CDH18: variants seen among roughly 807,000 people sequenced by gnomAD.
CDH18 encodes the protein cadherin-18.
Under a neutral mutation model 67.9 loss-of-function variants are expected in CDH18, and 31 were observed. That is an observed-to-expected ratio of 0.46 (90% CI 0.34 to 0.62). The LOEUF (loss-of-function observed/expected upper bound fraction) is 0.62. CDH18 is among the 20% of genes least tolerant of loss of function. CDH18 has a pLI of 0.01. For missense variants in CDH18, 890 were observed against 975.5 expected, an observed-to-expected ratio of 0.91 and a Z score of 1.17; for synonymous variants, 362 against 347.2, an observed-to-expected ratio of 1.04 and a Z score of -0.48.
chr5:19,638,971 G>C (rs1009542502), intron 5 of CDH18, among the ~76,000 whole-genome samples: 2 of 44,660 alleles, frequency 4.5e-5, no homozygotes, highest in Non-Finnish European at 9.7e-5. Context: ...GAAGTTTTTT[G>C]TTGCTGTTTT....
intron 1 of CDH18, among the ~76,000 whole-genome samples, chr5:20,282,525 T>G (rs1746363234): frequency 6.6e-6 from 1 of 152,206 alleles, no homozygotes. Flanking sequence ...TTTATTGATT[T>G]GCATATGTTG....
At chr5:19,587,768 C>T (rs898878968) in intron 7 of CDH18, among the ~76,000 whole-genome samples, 2 of 151,476 alleles carry the variant, frequency 1.3e-5, no homozygotes, top group Non-Finnish European at 3.0e-5. Context: ...TGCCTTGGCT[C>T]TTCAGGTTTT....
intron 1 of CDH18, among the ~76,000 whole-genome samples, chr5:20,272,599 C>A (rs1745518669): frequency 6.6e-6 from 1 of 151,790 alleles, no homozygotes; most frequent in Admixed American, 6.6e-5. Flanking sequence ...TAATAAACAG[C>A]CCATACTATT....
intron 6 of CDH18, among the ~76,000 whole-genome samples, chr5:19,602,246 C>T (rs938197610): frequency 2.4e-4 from 37 of 152,168 alleles, no homozygotes; most frequent in Admixed American, 2.1e-3. Flanking sequence ...CAAACACACA[C>T]AAACTTTTAG....
At chr5:19,754,302 A>G (rs1771241997) in intron 3 of CDH18, among the ~76,000 whole-genome samples, 2 of 152,210 alleles carry the variant, frequency 1.3e-5, no homozygotes, top group South Asian at 2.1e-4. Flanking sequence ...AACTTTAAGT[A>G]AAGTGGTGAA....
intron 1 of CDH18, among the ~76,000 whole-genome samples, chr5:20,424,004 A>G (rs1748080338): frequency 6.7e-6 from 1 of 149,726 alleles, no homozygotes. Context: ...AGTAACAAAC[A>G]TGAAAGTCAG....
chr5:19,646,440 A>G lies in CDH18; in HGVS notation c.644-33839T>C, dbSNP rs549996398. Among the ~76,000 whole-genome samples, 12 of 152,202 alleles carry G rather than the reference A, an allele frequency of 7.9e-5. No homozygotes were observed. In the South Asian group the frequency reaches 2.3e-3, roughly 29 times the overall value. On this transcript the variant is annotated intron_variant, in intron 5 of 12. Coordinates refer to ENST00000382275, the MANE Select transcript of CDH18 (RefSeq NM_004934.5). ...CTGCAACCTCCACCTCCTGGGTTCA[A>G]GAGATTCTCCTGCCTCAGCCTCCTG...
chr5:20,081,409 A>C (rs1329746892), intron 2 of CDH18, among the ~76,000 whole-genome samples: 1 of 152,174 alleles, frequency 6.6e-6, no homozygotes, highest in Non-Finnish European at 1.5e-5. Flanking sequence ...TTTGGTTTAA[A>C]ATGATTTTGC....
intron 5 of CDH18, among the ~76,000 whole-genome samples, chr5:19,679,882 A>G (rs919717549): frequency 5.3e-5 from 8 of 152,038 alleles, no homozygotes; most frequent in African/African-American, 1.9e-4. Flanking sequence ...CCATTTACAG[A>G]TTCAATATTA....
chr5:19,489,469 A>C (rs558775008), intron 11 of CDH18, among the ~76,000 whole-genome samples: 90 of 151,958 alleles, frequency 5.9e-4, no homozygotes, highest in Non-Finnish European at 1.2e-3. Flanking sequence ...GGCTGGTCTC[A>C]AACTCCTGAC....
chr5:20,067,903 T>C (rs1433494029), intron 2 of CDH18, among the ~76,000 whole-genome samples: 1 of 152,102 alleles, frequency 6.6e-6, no homozygotes, highest in Non-Finnish European at 1.5e-5. Context: ...TTTATTCTAG[T>C]TTCGTGCCAG....
At chr5:19,892,113 A>C (rs1234779818) in intron 2 of CDH18, among the ~76,000 whole-genome samples, 1 of 152,168 alleles carries the variant, frequency 6.6e-6, no homozygotes, top group Non-Finnish European at 1.5e-5. Context: ...TTAATTTGAA[A>C]ATTTAATGCA....
chr5:20,275,774 C>T (rs1228938310), intron 1 of CDH18, among the ~76,000 whole-genome samples: 2 of 152,142 alleles, frequency 1.3e-5, no homozygotes, highest in Non-Finnish European at 2.9e-5. Context: ...AACTTCTTAT[C>T]ACTGAAACAG....
At chr5:20,172,760 G>T (rs942924655) in intron 2 of CDH18, among the ~76,000 whole-genome samples, 2 of 151,986 alleles carry the variant, frequency 1.3e-5, no homozygotes, top group Non-Finnish European at 2.9e-5. Context: ...GGAGGCCAAG[G>T]CAGGCGGATC....
intron 1 of CDH18, among the ~76,000 whole-genome samples, chr5:20,451,245 C>T (rs543187883): frequency 1.3e-5 from 2 of 152,270 alleles, no homozygotes; most frequent in Admixed American, 1.3e-4. Flanking sequence ...CAGTGTACAG[C>T]ACATAATAAG....
intron 1 of CDH18, among the ~76,000 whole-genome samples, chr5:20,372,945 T>A (rs1743124364): frequency 6.6e-6 from 1 of 152,182 alleles, no homozygotes; most frequent in Admixed American, 6.5e-5. Context: ...ATCTTAAGGA[T>A]GTTTTCTCAA....
At chr5:20,071,404 A>C (rs770513700) in intron 2 of CDH18, among the ~76,000 whole-genome samples, 9 of 152,140 alleles carry the variant, frequency 5.9e-5, no homozygotes, top group East Asian at 3.9e-4. Context: ...TCACTTCCAA[A>C]AGTGATTACA....
intron 2 of CDH18, among the ~76,000 whole-genome samples, chr5:19,876,895 A>G (rs1177306487): frequency 1.3e-5 from 2 of 152,082 alleles, no homozygotes; most frequent in African/African-American, 4.8e-5. Flanking sequence ...GGCCAATGAA[A>G]TCCGTGTGGA....
chr5:19,718,040 A>C (rs1293634837), intron 5 of CDH18, among the ~76,000 whole-genome samples: 2 of 152,164 alleles, frequency 1.3e-5, no homozygotes, highest in Middle Eastern at 3.4e-3. Flanking sequence ...CAGTGTAAAA[A>C]AATTCAGATA....
Sources: allele counts gnomAD v4.1 joint callset (sites outside exome capture counted in the v4.1 genomes callset), GRCh38; gene constraint gnomAD v4.1.1; transcripts MANE v1.5; gene names NCBI Gene and HGNC (gene_info 2026-07-23, HGNC 2026-07-21).